SLC39A12: variants seen among roughly 807,000 people sequenced by gnomAD.
The protein encoded by SLC39A12 is solute carrier family 39 member 12.
Under a neutral mutation model 71.1 loss-of-function variants are expected in SLC39A12, and 63 were observed. The observed-to-expected ratio is 0.89, with a 90% CI of 0.72 to 1.09. The LOEUF is 1.09. Among genes scored for constraint, SLC39A12 ranks in the 50% least tolerant of loss-of-function variants. The pLI is 0.00. For missense variants in SLC39A12, 892 were observed against 812.6 expected, an observed-to-expected ratio of 1.10 and a Z score of -1.19; for synonymous variants, 351 against 301.3, an observed-to-expected ratio of 1.16 and a Z score of -1.71.
intron 12 of SLC39A12, among the ~76,000 whole-genome samples, chr10:18,037,123 T>C (rs181072192): frequency 3.3e-5 from 5 of 152,204 alleles, no homozygotes; most frequent in Non-Finnish European, 4.4e-5. Context: ...TTCCAAAATT[T>C]TTTGGACCAT....
At chr10:17,979,179 T>C (rs1041321226) in intron 5 of SLC39A12, among the ~76,000 whole-genome samples, 1 of 152,226 alleles carries the variant, frequency 6.6e-6, no homozygotes, top group Admixed American at 6.5e-5. Flanking sequence ...TAAATTTTCA[T>C]TTTCTTTATA....
chr10:17,990,806 A>G (rs1835524051), intron 7 of SLC39A12, among the ~76,000 whole-genome samples: 1 of 152,136 alleles, frequency 6.6e-6, no homozygotes, highest in Admixed American at 6.6e-5. Context: ...TGCAGATTGG[A>G]CTCCTGAAAA....
intron 12 of SLC39A12, among the ~76,000 whole-genome samples, chr10:18,032,722 T>C (rs1425704170): frequency 6.6e-6 from 1 of 152,044 alleles, no homozygotes; most frequent in Non-Finnish European, 1.5e-5. Flanking sequence ...ATCCCTGTCT[T>C]GTGCCAGTTT....
intron 12 of SLC39A12, among the ~76,000 whole-genome samples, chr10:18,033,791 G>A (rs1329865932): frequency 6.7e-6 from 1 of 149,134 alleles, no homozygotes; most frequent in South Asian, 2.2e-4. Flanking sequence ...GGCATTTAGT[G>A]CTATAAATTT....
rs1835253919 is a variant in SLC39A12 at position 17,981,410 on chromosome 10, C to A, written c.1023C>A (p.Ile341=). The change falls in exon 6 of 13, where the codon ATC becomes ATA. Residue 341 remains isoleucine (I), a synonymous_variant. Transcript: ENST00000377369. ...TTAAGCAAATGAGTCCAGGGATCAT[C>A]CAGCAGCTCCTCAGCTGCTCCTGCC... The part of the protein sequence containing the change: ...EDFKQMSPGI[I]QQLLSCSCHL... 3.7e-6 allele frequency: 6 copies of A among 1,613,990 alleles called. No individual in the cohort carries two copies. Among genetic ancestry groups the A allele is most frequent in the Non-Finnish European group, 5.1e-6 (6 of 1,179,880 alleles).
chr10:17,988,093 A>T (rs1475761740), intron 7 of SLC39A12, among the ~76,000 whole-genome samples: 1 of 152,184 alleles, frequency 6.6e-6, no homozygotes, highest in Non-Finnish European at 1.5e-5. Context: ...GGATTACTTG[A>T]GATCAGGAGT....
chr10:17,978,754 C>A (rs1835180290), intron 5 of SLC39A12, among the ~76,000 whole-genome samples: 1 of 152,224 alleles, frequency 6.6e-6, no homozygotes, highest in African/African-American at 2.4e-5. Flanking sequence ...TCCAATAATT[C>A]TTCTCTGTTC....
intron 3 of SLC39A12, 26 bp from the exon 4 acceptor site, chr10:17,965,457 T>G: frequency 6.2e-7 from 1 of 1,602,242 alleles, no homozygotes; most frequent in Non-Finnish European, 8.5e-7. Flanking sequence ...GTTACAATTT[T>G]CTCTTTATTT....
At chr10:17,964,703 A>T (rs1834778039) in intron 3 of SLC39A12, among the ~76,000 whole-genome samples, 1 of 152,366 alleles carries the variant, frequency 6.6e-6, no homozygotes, top group South Asian at 2.1e-4. Flanking sequence ...ATGAGTACAC[A>T]CTGAGCTTGG....
chr10:18,014,747 A>T (rs192866869), intron 12 of SLC39A12, among the ~76,000 whole-genome samples: 1 of 152,258 alleles, frequency 6.6e-6, no homozygotes, highest in East Asian at 1.9e-4. Context: ...TTTCTTGTTC[A>T]CTAGAGCAAC....
intron 12 of SLC39A12, among the ~76,000 whole-genome samples, chr10:18,041,284 A>G (rs1373012553): frequency 3.9e-5 from 6 of 151,958 alleles, no homozygotes; most frequent in Non-Finnish European, 2.9e-5. Context: ...TGAGAATAAA[A>G]TATAGCCACA....
In SLC39A12 at chr10:17,952,488, TTTC is replaced by T. The variant is rs1164491585; in HGVS notation, c.-87+466_-87+468del. On this transcript the variant is annotated intron_variant, in intron 1 of 12. Coordinates refer to ENST00000377369, the MANE Select transcript of SLC39A12 (RefSeq NM_001145195.2). ...AACTCTTTTTTTTTCTTTTTTCTTT[TTTC>T]TTTTTTTTTTTTTTGAGATGGAGTC... 5.6e-4 allele frequency among the ~76,000 whole-genome samples: 77 copies of T among 136,418 alleles called. 2 individuals are homozygous for T. The East Asian group carries it at 7.9e-3, about 14-fold the overall frequency. The allele number at this position is 136,418 out of a possible 152,430, so 89.5% of individuals were successfully genotyped here. A position where few individuals can be genotyped will look rare whatever the true frequency, so the allele number is the denominator to read the frequency against.
intron 12 of SLC39A12, among the ~76,000 whole-genome samples, chr10:18,040,389 C>T (rs141834986): frequency 7.9e-5 from 12 of 152,214 alleles, no homozygotes; most frequent in Non-Finnish European, 1.6e-4. Context: ...TCATAGTAAA[C>T]CACCCTCATG....
intron 12 of SLC39A12, among the ~76,000 whole-genome samples, chr10:18,032,967 T>A (rs1836892820): frequency 6.8e-6 from 1 of 146,578 alleles, no homozygotes; most frequent in South Asian, 2.2e-4. Flanking sequence ...GATTTGCGTA[T>A]ATTGAACCAG....
chr10:18,011,956 C>A (rs1162286542), intron 12 of SLC39A12, among the ~76,000 whole-genome samples: 2 of 152,136 alleles, frequency 1.3e-5, no homozygotes, highest in Non-Finnish European at 2.9e-5. Flanking sequence ...GAATAGCCTC[C>A]GGGTTGGCTA....
At chr10:18,024,862 A>G (rs1836630631) in intron 12 of SLC39A12, among the ~76,000 whole-genome samples, 1 of 152,206 alleles carries the variant, frequency 6.6e-6, no homozygotes. Flanking sequence ...GTAATACACC[A>G]TGTATCTTTG....
intron 10 of SLC39A12, among the ~76,000 whole-genome samples, chr10:18,000,218 A>G (rs1835793606): frequency 6.6e-6 from 1 of 152,136 alleles, no homozygotes; most frequent in African/African-American, 2.4e-5. Flanking sequence ...CAAAGGCCCT[A>G]CCTCCTCATA....
rs115184540 is a variant in SLC39A12 at position 18,040,959 on chromosome 10, T to A, written c.1948-1746T>A. ...ATTGTGGGCAGAGACACAGCTGACA[T>A]CTAGTAGGAGCCATAGATACTGCTA... On this transcript the variant is annotated intron_variant, in intron 12 of 12. Transcript: ENST00000377369. Among the ~76,000 whole-genome samples the A allele has an allele frequency of 2.4e-3, 368 of 151,988 alleles. 3 individuals are homozygous for A. Among genetic ancestry groups the A allele is most frequent in the African/African-American group, 8.5e-3 (354 of 41,454 alleles).
chr10:18,013,886 GA>G (rs1836303626), intron 12 of SLC39A12, among the ~76,000 whole-genome samples: 1 of 152,072 alleles, frequency 6.6e-6, no homozygotes, highest in Non-Finnish European at 1.5e-5. Context: ...AGTAAGTTTT[GA>G]AATCAGGAAA....
Sources: gnomAD v4.1 joint callset for allele counts (sites outside exome capture counted in the v4.1 genomes callset) on GRCh38, gnomAD v4.1.1 for gene constraint, MANE v1.5 for transcripts, NCBI Gene and HGNC (gene_info 2026-07-23, HGNC 2026-07-21) for gene names.